The following IGF1R variants were observed in gnomAD, a reference collection of about 807,000 sequenced individuals.
IGF1R encodes insulin-like growth factor 1 receptor.
In IGF1R, 44 loss-of-function variants were observed where a neutral mutation model predicts 144.6. The observed-to-expected ratio is 0.30, with a 90% CI of 0.24 to 0.39. The LOEUF (loss-of-function observed/expected upper bound fraction) is 0.39. Among genes scored for constraint, IGF1R ranks in the 10% least tolerant of loss-of-function variants. The pLI is 1.00. For missense variants in IGF1R, 1,355 were observed against 1,833.7 expected, an observed-to-expected ratio of 0.74 and a Z score of 4.77; for synonymous variants, 795 against 722.8, an observed-to-expected ratio of 1.10 and a Z score of -1.60.
In IGF1R at chr15:98,963,432, AC is replaced by A. The variant is rs1228388942; in HGVS notation, c.*5991del. ...CTGGTTGGGAAGGGGATCATTTTTT[AC>A]TGGTCATTTCCCTTTGGAGTGTAGC... On this transcript the variant is annotated 3_prime_UTR_variant, in exon 21 of 21. Transcript: ENST00000650285. 4.3e-6 allele frequency: 1 copy of A among 233,176 alleles called. No homozygotes were observed. Among genetic ancestry groups the A allele is most frequent in the Non-Finnish European group, 8.5e-6 (1 of 118,052 alleles). The allele number at this position is 233,176 out of a possible 1,614,324, so 14.4% of individuals were successfully genotyped here. A position where few individuals can be genotyped will look rare whatever the true frequency, so the allele number is the denominator to read the frequency against.
chr15:98,789,776 C>T (rs1192112188), intron 2 of IGF1R, among the ~76,000 whole-genome samples: 1 of 152,102 alleles, frequency 6.6e-6, no homozygotes, highest in Admixed American at 6.6e-5. Flanking sequence ...GAGGTGAACC[C>T]AGGGCCCTTT....
chr15:98,828,752 C>A (rs564410852), intron 2 of IGF1R, among the ~76,000 whole-genome samples: 2 of 149,382 alleles, frequency 1.3e-5, no homozygotes, highest in South Asian at 2.1e-4. Context: ...ACATATTTAT[C>A]CTAATATATT....
intron 9 of IGF1R, 91 bp downstream of exon 9, chr15:98,916,222 C>A: frequency 1.8e-5 from 20 of 1,083,818 alleles, no homozygotes; most frequent in East Asian, 2.5e-5. Flanking sequence ...ACGTATCAGA[C>A]AACAGTGTAG....
At chr15:98,931,997 A>G (rs974676056) in intron 15 of IGF1R, among the ~76,000 whole-genome samples, 3 of 152,210 alleles carry the variant, frequency 2.0e-5, no homozygotes, top group Non-Finnish European at 4.4e-5. Context: ...GTGGACTGTG[A>G]CTCTACGAGA....
intron 5 of IGF1R, among the ~76,000 whole-genome samples, chr15:98,908,104 C>T (rs1980269): frequency 0.1 from 15,161 of 152,244 alleles, 824 homozygotes; most frequent in Middle Eastern, 0.13. Context: ...GGCTCTTCCT[C>T]CTCCCCCACA....
rs1567056394 is a variant in IGF1R, at chr15:98,649,626, GCTC to G, written c.48_50del (p.Leu17del). The G allele has an allele frequency of 6.2e-7, 1 of 1,609,482 alleles. No homozygotes were observed. The highest frequency in any genetic ancestry group is 8.5e-7 in the Non-Finnish European group (1 of 1,178,752). ...GAGGGTCCCCGACCTCGCTGTGGGG[GCTC>G]CTGTTTCTCTCCGCCGCGCTCTCGC... is the stretch of plus-strand genomic sequence containing the variant. On this transcript the variant is annotated inframe_deletion, in exon 1 of 21. Coordinates refer to ENST00000650285, the MANE Select transcript of IGF1R (RefSeq NM_000875.5).
chr15:98,798,104 G>A (rs1018947376), intron 2 of IGF1R, among the ~76,000 whole-genome samples: 1 of 152,184 alleles, frequency 6.6e-6, no homozygotes, highest in Non-Finnish European at 1.5e-5. Context: ...CCTGGTGTCA[G>A]GGTTATAGAA....
rs1479589976 is a variant in IGF1R, at chr15:98,716,695, A to C, written c.640+8588A>C. Among the ~76,000 whole-genome samples the C allele has an allele frequency of 2.6e-5, 4 of 152,196 alleles. No homozygotes were observed. The South Asian group carries it at 8.3e-4, about 32-fold the overall frequency. ...GGCAGAAGAACAGAACAGTCCTTGGAGCTTGGTAGGAGGTGTGAGGGCTTA... is the reference window on the plus strand; with the variant it reads ...GGCAGAAGAACAGAACAGTCCTTGGCGCTTGGTAGGAGGTGTGAGGGCTTA... On this transcript the variant is annotated intron_variant, in intron 2 of 20. Coordinates refer to ENST00000650285, the MANE Select transcript of IGF1R (RefSeq NM_000875.5).
chr15:98,904,639 G>A (rs1041523603), intron 5 of IGF1R, among the ~76,000 whole-genome samples: 1 of 152,186 alleles, frequency 6.6e-6, no homozygotes, highest in Non-Finnish European at 1.5e-5. Flanking sequence ...TGTTGCTGAT[G>A]ACAGCCTGTG....
intron 20 of IGF1R, among the ~76,000 whole-genome samples, 200 bp downstream of exon 20, chr15:98,948,908 C>G (rs998067506): frequency 6.6e-6 from 1 of 152,214 alleles, no homozygotes; most frequent in Non-Finnish European, 1.5e-5. Context: ...TACCTTAATT[C>G]TACCCCATAT....
At chr15:98,885,657 C>T (rs763047249) in intron 2 of IGF1R, among the ~76,000 whole-genome samples, 45 of 152,272 alleles carry the variant, frequency 3.0e-4, no homozygotes, top group African/African-American at 7.7e-4. Flanking sequence ...TAAACTCTTC[C>T]GTATTTTGAT....
chr15:98,826,107 AT>A (rs2056890511), intron 2 of IGF1R, among the ~76,000 whole-genome samples: 1 of 152,224 alleles, frequency 6.6e-6, no homozygotes, highest in Non-Finnish European at 1.5e-5. Flanking sequence ...GCAGGTAATT[AT>A]GGTAGTAGTG....
Position 98,891,654 on chromosome 15 carries a change from C to G in IGF1R, c.953+17C>G, listed in dbSNP as rs780190444. ...CAGCCAGAGGTCAGTCGCGGCCACA[C>G]GTGTGGTCACTACCCGCCCCACCTC... On this transcript the variant is annotated intron_variant, in intron 3 of 20. Coordinates refer to ENST00000650285, the MANE Select transcript of IGF1R (RefSeq NM_000875.5). The surrounding 1 kb of genome is among the most constrained non-coding windows in gnomAD (Gnocchi z 4.7). 11 of 1,597,764 alleles carry G rather than the reference C, an allele frequency of 6.9e-6. No individual in the cohort carries two copies. Among genetic ancestry groups the G allele is most frequent in the Non-Finnish European group, 9.3e-6 (11 of 1,178,786 alleles).
intron 18 of IGF1R, among the ~76,000 whole-genome samples, chr15:98,940,436 T>G (rs35699269): frequency 0.13 from 19,314 of 152,250 alleles, 1,569 homozygotes; most frequent in East Asian, 0.34. Flanking sequence ...AGAGTTTTGC[T>G]CTTGTTTTCC....
At chr15:98,716,781 G>A (rs922788149) in intron 2 of IGF1R, among the ~76,000 whole-genome samples, 1 of 80,456 alleles carries the variant, frequency 1.2e-5, no homozygotes, top group African/African-American at 5.4e-5. Flanking sequence ...CGGTGGAAAG[G>A]GTGAGTCTTA....
chr15:98,922,000 C>T (rs2151690395), intron 10 of IGF1R, 148 bp from the exon 11 acceptor site: 2 of 765,612 alleles, frequency 2.6e-6, no homozygotes, highest in East Asian at 5.2e-5. Context: ...GGAAGGACAT[C>T]CCTGTGTTAT....
intron 2 of IGF1R, among the ~76,000 whole-genome samples, chr15:98,860,309 C>A (rs1209079947): frequency 2.0e-5 from 3 of 152,224 alleles, no homozygotes; most frequent in African/African-American, 7.2e-5. Context: ...TTGTACAGAC[C>A]ATCCTAGTAG....
chr15:98,690,952 T>A (rs1443094643), intron 1 of IGF1R, among the ~76,000 whole-genome samples: 1 of 152,236 alleles, frequency 6.6e-6, no homozygotes, highest in Non-Finnish European at 1.5e-5. Flanking sequence ...ATACTCACTG[T>A]TTCTTTAAAT....
At chr15:98,670,412 G>A (rs2052857945) in intron 1 of IGF1R, among the ~76,000 whole-genome samples, 1 of 152,122 alleles carries the variant, frequency 6.6e-6, no homozygotes, top group African/African-American at 2.4e-5. Flanking sequence ...GTTTGTTTAA[G>A]TTGTAGTGGG....
Sources: allele counts gnomAD v4.1 joint callset (sites outside exome capture counted in the v4.1 genomes callset), GRCh38; gene constraint gnomAD v4.1.1; non-coding constraint Gnocchi (gnomAD v3.1); transcripts MANE v1.5; gene names NCBI Gene and HGNC (gene_info 2026-07-23, HGNC 2026-07-21).